Variants in EPC2 observed in about 807,000 individuals in gnomAD.
The protein encoded by EPC2 is enhancer of polycomb homolog 2.
A neutral mutation model predicts 92.1 loss-of-function variants in EPC2; 14 were observed. That is an observed-to-expected ratio of 0.15 (90% confidence interval 0.10 to 0.24). The LOEUF (loss-of-function observed/expected upper bound fraction) is 0.24. EPC2 is among the 10% of genes least tolerant of loss of function. The pLI, the probability that EPC2 is intolerant of heterozygous loss-of-function variation, is 1.00. For missense variants in EPC2, 755 were observed against 971.5 expected (o/e 0.78, Z 2.96); for synonymous variants, 340 against 334.7 (o/e 1.02, Z -0.17).
At chr2:148,650,467 T>G (rs1574559951) in intron 1 of EPC2, among the ~76,000 whole-genome samples, 1 of 152,298 alleles carries the variant, frequency 6.6e-6, no homozygotes, top group East Asian at 1.9e-4. Context: ...AATCTTTATC[T>G]TGTTTTAAGT....
At chr2:148,706,340 G>C (rs949255580) in intron 2 of EPC2, among the ~76,000 whole-genome samples, 1 of 152,098 alleles carries the variant, frequency 6.6e-6, no homozygotes, top group Non-Finnish European at 1.5e-5. Context: ...AGAAATATGG[G>C]ACTATGTAAA....
At chr2:148,762,528 C>T (rs1252532331) in intron 5 of EPC2, 142 bp from the exon 6 acceptor site, 12 of 623,760 alleles carry the variant, frequency 1.9e-5, no homozygotes, top group South Asian at 6.4e-5. Flanking sequence ...TTCTTTATTC[C>T]TGCAAATTTT....
chr2:148,691,406 C>A (rs1451264614), intron 2 of EPC2: 1 of 1,073,796 alleles, frequency 9.3e-7, no homozygotes, highest in Non-Finnish European at 1.3e-6. Context: ...GTATGAGAAT[C>A]TCTGGGTGTG....
intron 3 of EPC2, among the ~76,000 whole-genome samples, chr2:148,745,498 T>A (rs896444187): frequency 4.6e-5 from 7 of 152,124 alleles, no homozygotes; most frequent in Non-Finnish European, 7.4e-5. Flanking sequence ...CAAAAAAACA[T>A]GTAAGCAATA....
At chr2:148,732,785 A>C (rs1682663745) in intron 2 of EPC2, among the ~76,000 whole-genome samples, 1 of 152,170 alleles carries the variant, frequency 6.6e-6, no homozygotes, top group Non-Finnish European at 1.5e-5. Context: ...CTCTGATAAC[A>C]AAATGATAAG....
At chr2:148,785,124 T>C (rs751901376) in intron 13 of EPC2, 123 bp downstream of exon 13, 8 of 787,810 alleles carry the variant, frequency 1.0e-5, no homozygotes, top group Non-Finnish European at 1.1e-5. Context: ...TTTCAATAGA[T>C]ACTGAAGATC....
chr2:148,712,241 G>GT (rs1682159032), intron 2 of EPC2, among the ~76,000 whole-genome samples: 3 of 150,978 alleles, frequency 2.0e-5, no homozygotes, highest in African/African-American at 7.3e-5. Context: ...TTGTGTGTGT[G>GT]GGGGTGTGTG....
intron 7 of EPC2, 89 bp from the exon 8 acceptor site, chr2:148,769,062 G>A: frequency 1.1e-6 from 1 of 881,096 alleles, no homozygotes; most frequent in Non-Finnish European, 1.8e-6. Context: ...GTGATTTACT[G>A]TTTGTGATCA....
chr2:148,660,337 G>C (rs573756984), intron 1 of EPC2, among the ~76,000 whole-genome samples: 1 of 152,158 alleles, frequency 6.6e-6, no homozygotes, highest in South Asian at 2.1e-4. Context: ...AGACATGGGC[G>C]TTGTAAGAGA....
At chr2:148,725,716 G>A (rs1328939924) in intron 2 of EPC2, among the ~76,000 whole-genome samples, 1 of 151,972 alleles carries the variant, frequency 6.6e-6, no homozygotes, top group African/African-American at 2.4e-5. Flanking sequence ...TAGATTACAA[G>A]CCAATTATTT....
At chr2:148,670,796 A>T (rs1681139919) in intron 1 of EPC2, among the ~76,000 whole-genome samples, 1 of 152,008 alleles carries the variant, frequency 6.6e-6, no homozygotes, top group Non-Finnish European at 1.5e-5. Flanking sequence ...CTCAACTTCC[A>T]GGCTCAAGCA....
At position 148,730,650 on chromosome 2, in the gene EPC2, G is replaced by C. The variant is rs114017797; in HGVS notation, c.314-12972G>C. Among the ~76,000 whole-genome samples, 894 of 152,250 alleles carry C rather than the reference G, an allele frequency of 5.9e-3. 8 individuals carry two copies. The highest frequency in any genetic ancestry group is 0.02 in the African/African-American group (849 of 41,530). On this transcript the variant is annotated intron_variant, in intron 2 of 13. Coordinates refer to ENST00000258484, the MANE Select transcript of EPC2 (RefSeq NM_015630.4). ...GAGAAACACTGGCTTACAGGCTTTC[G>C]TGATACTTACATCAAGGAGGGGCAT...
intron 3 of EPC2, 159 bp from the exon 4 acceptor site, chr2:148,753,768 A>G: frequency 3.4e-6 from 2 of 591,442 alleles, no homozygotes; most frequent in Non-Finnish European, 5.8e-6. Context: ...CTAATTAATG[A>G]TTCCTTCATT....
intron 2 of EPC2, among the ~76,000 whole-genome samples, chr2:148,691,054 T>C (rs1681635201): frequency 6.6e-6 from 1 of 152,232 alleles, no homozygotes; most frequent in East Asian, 1.9e-4. Flanking sequence ...TACTTTCATA[T>C]AGTTTTTATT....
At chr2:148,670,337 C>G (rs1295008498) in intron 1 of EPC2, among the ~76,000 whole-genome samples, 1 of 150,600 alleles carries the variant, frequency 6.6e-6, no homozygotes, top group Non-Finnish European at 1.5e-5. Flanking sequence ...TCCATGTTAA[C>G]TCTTTTTTTT....
chr2:148,774,474 A>G (rs1384450367), intron 10 of EPC2, among the ~76,000 whole-genome samples: 1 of 151,918 alleles, frequency 6.6e-6, no homozygotes, highest in Non-Finnish European at 1.5e-5. Flanking sequence ...TAAAAATACA[A>G]AAGTTAGCCG....
At chr2:148,717,969 A>G (rs1682292209) in intron 2 of EPC2, among the ~76,000 whole-genome samples, 1 of 152,166 alleles carries the variant, frequency 6.6e-6, no homozygotes, top group Admixed American at 6.5e-5. Flanking sequence ...CTGTTCTTGT[A>G]GAATTGAACC....
At chr2:148,756,087 C>G (rs1343353561) in intron 4 of EPC2, among the ~76,000 whole-genome samples, 1 of 152,158 alleles carries the variant, frequency 6.6e-6, no homozygotes, top group Non-Finnish European at 1.5e-5. Flanking sequence ...ATGTTTTCTG[C>G]TTCTTTTGTT....
chr2:148,659,738 TA>T (rs1200967276), intron 1 of EPC2, among the ~76,000 whole-genome samples: 1 of 152,084 alleles, frequency 6.6e-6, no homozygotes, highest in African/African-American at 2.4e-5. Context: ...AAAAAAAATC[TA>T]GATACCATTT....
Sources: gnomAD v4.1 joint callset for allele counts (sites outside exome capture counted in the v4.1 genomes callset) on GRCh38, gnomAD v4.1.1 for gene constraint, MANE v1.5 for transcripts, NCBI Gene and HGNC (gene_info 2026-07-23, HGNC 2026-07-21) for gene names.